ALS2CL: variants seen among roughly 807,000 people sequenced by gnomAD.
ALS2CL encodes the protein ALS2 C-terminal like, also known as ALS2 C-terminal-like protein.
In ALS2CL, 112 loss-of-function variants were observed where a neutral mutation model predicts 127.9. That is an observed-to-expected ratio of 0.88 (90% confidence interval 0.75 to 1.02). The LOEUF (loss-of-function observed/expected upper bound fraction) is 1.02. Ranked by LOEUF, ALS2CL falls within the 50% of genes least tolerant of loss-of-function variation. The probability of loss-of-function intolerance (pLI) is 0.00; values close to 1 mark genes in which losing one functional copy is unlikely to be tolerated. For synonymous variants in ALS2CL, 519 were observed against 527.6 expected, an observed-to-expected ratio of 0.98 and a Z score of 0.22; for missense variants, 1,174 against 1,236.7, an observed-to-expected ratio of 0.95 and a Z score of 0.76.
intron 21 of ALS2CL, among the ~76,000 whole-genome samples, chr3:46,673,813 C>G (rs2106688986): frequency 6.6e-6 from 1 of 152,100 alleles, no homozygotes; most frequent in South Asian, 2.1e-4. Context: ...GGTGGCTGGT[C>G]AGATGCAGGA....
rs567322118 is a variant in ALS2CL, at chr3:46,686,540, C to T, written c.535-101G>A. The T allele has an allele frequency of 4.0e-4, 583 of 1,463,478 alleles. 2 individuals are homozygous for T. The Middle Eastern group carries it at 0.015, about 37-fold the overall frequency. 90.7% of individuals were successfully genotyped at this position (1,463,478 alleles called of 1,614,324 possible). A position where few individuals can be genotyped will look rare whatever the true frequency, so the allele number is the denominator to read the frequency against. On this transcript the variant is annotated intron_variant, in intron 5 of 25. Coordinates refer to ENST00000318962, the MANE Select transcript of ALS2CL (RefSeq NM_147129.5). This position sits in a 1 kb window ranked among gnomAD's most constrained non-coding sequence, Gnocchi z 4.3. ...TGGGGAGGCCTGAATCTAGGCCAGA[C>T]CTTGCCCTTCTCTCCCTGACAGCTC...
At position 46,683,825 on chromosome 3, in the gene ALS2CL, G is replaced by T. The variant is rs1416726920; in HGVS notation, c.869C>A (p.Pro290His). 6.2e-7 allele frequency: 1 copy of T among 1,614,152 alleles called. No homozygotes were observed. The highest frequency in any genetic ancestry group is 1.7e-5 in the Admixed American group (1 of 60,022). Residue 290 changes from proline to histidine, a missense_variant, in exon 9 of 26, where the codon CCC becomes CAC. By Grantham distance (77) the Pro-to-His change is moderately conservative. Coordinates refer to ENST00000318962, the MANE Select transcript of ALS2CL (RefSeq NM_147129.5). The part of the protein sequence containing the change: ...QDGCTFHLLT[P>H]EEEFSFCAKD... ...GGCACAAAAGGAGAACTCTTCTTCGGGCGTGAGGAGGTGAAACGTGCACCT... is the reference window on the plus strand; with the variant it reads ...GGCACAAAAGGAGAACTCTTCTTCGTGCGTGAGGAGGTGAAACGTGCACCT...
intron 3 of ALS2CL, 33 bp from the exon 4 acceptor site, chr3:46,687,717 C>T: frequency 1.9e-6 from 3 of 1,597,302 alleles, no homozygotes; most frequent in Non-Finnish European, 2.6e-6. Flanking sequence ...CCTGCAAACC[C>T]AGTCCTCAGC....
chr3:46,681,522 T>G lies in ALS2CL; in HGVS notation c.1252A>C (p.Met418Leu). 6.2e-7 allele frequency: 1 copy of G among 1,614,134 alleles called. No individual in the cohort carries two copies. Among genetic ancestry groups the G allele is most frequent in the Non-Finnish European group, 8.5e-7 (1 of 1,180,002 alleles). Reference sequence around the variant, plus strand: ...TACTCACAGATGCCGTAGCCACACATGCTGCCTTCTCGCCAGTGACACTTG... The same window carrying G: ...TACTCACAGATGCCGTAGCCACACAGGCTGCCTTCTCGCCAGTGACACTTG... ...CYKCHWREGS[M>L]CGYGICEYST... The change falls in exon 12 of 26, where the codon ATG becomes CTG. Residue 418 changes from methionine to leucine, a missense_variant. By Grantham distance (15) the Met-to-Leu change is conservative. Coordinates refer to ENST00000318962, the MANE Select transcript of ALS2CL (RefSeq NM_147129.5). This position sits in a 1 kb window ranked among gnomAD's most constrained non-coding sequence, Gnocchi z 4.9.
intron 1 of ALS2CL, among the ~76,000 whole-genome samples, chr3:46,692,336 C>G (rs182536344): frequency 2.8e-4 from 42 of 152,180 alleles, no homozygotes; most frequent in African/African-American, 9.2e-4. Flanking sequence ...GAGGAGGATC[C>G]TGCAGGAGTA....
chr3:46,679,349 G>A (rs762192953), intron 14 of ALS2CL, 62 bp from the exon 15 acceptor site: 186 of 1,408,258 alleles, frequency 1.3e-4, no homozygotes, highest in Non-Finnish European at 1.8e-4. Flanking sequence ...GGAAACTCAG[G>A]GTGGAGAGAG....
chr3:46,674,477 T>A, intron 21 of ALS2CL, 89 bp downstream of exon 21: 1 of 1,507,058 alleles, frequency 6.6e-7, no homozygotes, highest in Non-Finnish European at 9.0e-7. Flanking sequence ...TACATGAACC[T>A]ATCAACCCCA....
At position 46,685,562 on chromosome 3, in the gene ALS2CL, C is replaced by T. The variant is rs142502930; in HGVS notation, c.749G>A (p.Arg250His). The T allele has an allele frequency of 4.5e-5, 72 of 1,614,028 alleles. No homozygotes were observed. The highest frequency in any genetic ancestry group is 1.0e-4 in the Admixed American group (6 of 60,006). Reference sequence around the variant, plus strand: ...GAGGGCATCATCAAAGAGCAGCACACGCTCAGCCCGCAACGGTGCGACCGT... The same window carrying T: ...GAGGGCATCATCAAAGAGCAGCACATGCTCAGCCCGCAACGGTGCGACCGT... ...PVTVAPLRAE[R>H]VLLFDDALVL... is the part of the protein sequence containing the mutation. Residue 250 changes from arginine (R) to histidine (H), a missense_variant, in exon 7 of 26, where the codon CGT becomes CAT. Coordinates refer to ENST00000318962, the MANE Select transcript of ALS2CL (RefSeq NM_147129.5).
At chr3:46,688,832 T>C (rs1699974950) in intron 2 of ALS2CL, among the ~76,000 whole-genome samples, 2 of 152,176 alleles carry the variant, frequency 1.3e-5, no homozygotes, top group Non-Finnish European at 2.9e-5. Context: ...CAAAGGGCAG[T>C]TTCCAGTTTT....
In ALS2CL at chr3:46,678,284, G is replaced by C. The variant is rs761035063; in HGVS notation, c.1732C>G (p.Pro578Ala). Residue 578 changes from proline (P) to alanine (A), a missense_variant, in exon 16 of 26, where the codon CCA becomes GCA. Coordinates refer to ENST00000318962, the MANE Select transcript of ALS2CL (RefSeq NM_147129.5). ...QGVLDTAALP[P>A]DPSSTCKRQL... ...CTCTTGCAGGTACTGCTCGGGTCTG[G>C]TGGGAGGGCAGCCGTGTCCAGCACA... 4 of 1,604,696 alleles carry C rather than the reference G, an allele frequency of 2.5e-6. No homozygotes were observed. In the East Asian group the frequency reaches 9.0e-5, roughly 36 times the overall value.
In ALS2CL at chr3:46,686,416, C is replaced by T. The variant is rs1393237044; in HGVS notation, c.558G>A (p.Val186=). ...TCCCAAAGAGGGTGACTGCGTTCAC[C>T]ACCAGCTCCCGGGTTGGGTGATGCT... ...IGEHHPTREL[V]VNAVTLFGNL... is the part of the protein sequence containing the mutation. The change falls in exon 6 of 26, where the codon GTG becomes GTA. Residue 186 remains valine, a synonymous_variant. Transcript: ENST00000318962. This position sits in a 1 kb window ranked among gnomAD's most constrained non-coding sequence, Gnocchi z 4.3. 1.2e-6 allele frequency: 2 copies of T among 1,613,484 alleles called. No individual in the cohort carries two copies. Among genetic ancestry groups the T allele is most frequent in the Non-Finnish European group, 1.7e-6 (2 of 1,179,768 alleles).
chr3:46,683,921 G>A (rs888032969), intron 8 of ALS2CL, 68 bp downstream of exon 8: 20 of 1,613,202 alleles, frequency 1.2e-5, no homozygotes, highest in Non-Finnish European at 1.7e-5. Flanking sequence ...CAGAGTCCCA[G>A]GGTGTGGGCA....
chr3:46,677,474 CT>C, intron 16 of ALS2CL: 2 of 868,168 alleles, frequency 2.3e-6, no homozygotes, highest in Non-Finnish European at 2.8e-6. Flanking sequence ...GAGCCCTGCA[CT>C]CCAGTGTCAT....
intron 25 of ALS2CL, among the ~76,000 whole-genome samples, 192 bp from the exon 26 acceptor site, chr3:46,671,256 T>C (rs772346681): frequency 6.6e-6 from 1 of 152,048 alleles, no homozygotes; most frequent in Non-Finnish European, 1.5e-5. Flanking sequence ...GAATGCAGCA[T>C]GGAGCAATCA....
intron 7 of ALS2CL, among the ~76,000 whole-genome samples, chr3:46,684,866 G>A (rs1178979175): frequency 6.6e-6 from 1 of 152,172 alleles, no homozygotes; most frequent in East Asian, 1.9e-4. Flanking sequence ...GTCTAGGCTG[G>A]GCAGCAGCTT....
chr3:46,683,872 A>G (rs1205619922), intron 8 of ALS2CL, 24 bp from the exon 9 acceptor site: 1 of 1,614,044 alleles, frequency 6.2e-7, no homozygotes, highest in East Asian at 2.2e-5. Context: ...GGTGATGAGT[A>G]GGCCCCAGCT....
In ALS2CL at chr3:46,681,922, T is replaced by G; in HGVS notation, c.1175+107A>C. 1 of 1,357,360 alleles carries G rather than the reference T, an allele frequency of 7.4e-7. No individual in the cohort carries two copies. The highest frequency in any genetic ancestry group is 1.0e-6 in the Non-Finnish European group (1 of 974,594). 84.1% of individuals were successfully genotyped at this position (1,357,360 alleles called of 1,614,324 possible). ...ACCGGATTGTCTCTAAGTTCCTGCT[T>G]GAGGTTTGGGAATTCAGGATGGGGC... On this transcript the variant is annotated intron_variant, in intron 11 of 25. Coordinates refer to ENST00000318962, the MANE Select transcript of ALS2CL (RefSeq NM_147129.5). This position sits in a 1 kb window ranked among gnomAD's most constrained non-coding sequence, Gnocchi z 4.9.
In ALS2CL at chr3:46,687,093, A is replaced by G. The variant is rs1280824712; in HGVS notation, c.424T>C (p.Ser142Pro). The G allele has an allele frequency of 3.8e-6, 6 of 1,586,656 alleles. No individual in the cohort carries two copies. Among genetic ancestry groups the G allele is most frequent in the Non-Finnish European group, 4.3e-6 (5 of 1,173,818 alleles). Reference sequence around the variant, plus strand: ...AGCGATGCGCCCACCGAGCCCTCTGAGCTCACACCTGAAAGCAGCTGCCGC... The same window carrying G: ...AGCGATGCGCCCACCGAGCCCTCTGGGCTCACACCTGAAAGCAGCTGCCGC... The part of the protein sequence containing the change: ...ALRQLLSGVS[S>P]EGSVGASLGQ... Residue 142 changes from serine to proline, a missense_variant, in exon 5 of 26, where the codon TCA becomes CCA. Ser to Pro is a moderately conservative substitution (Grantham distance 74, BLOSUM62 -1). Coordinates refer to ENST00000318962, the MANE Select transcript of ALS2CL (RefSeq NM_147129.5).
At chr3:46,674,471 T>C (rs530756723) in intron 21 of ALS2CL, 95 bp downstream of exon 21, 1 of 1,483,988 alleles carries the variant, frequency 6.7e-7, no homozygotes, top group South Asian at 1.3e-5. Context: ...GGTGGGTACA[T>C]GAACCTATCA....
Sources: gnomAD v4.1 joint callset for allele counts (sites outside exome capture counted in the v4.1 genomes callset) on GRCh38, gnomAD v4.1.1 for gene constraint, Gnocchi (gnomAD v3.1) non-coding constraint, MANE v1.5 for transcripts, NCBI Gene and HGNC (gene_info 2026-07-23, HGNC 2026-07-21) for gene names.